Variants in INVS observed in about 807,000 individuals in gnomAD.
INVS encodes the protein inversin.
Under a neutral mutation model 108.8 loss-of-function variants are expected in INVS, and 86 were observed. The ratio of observed to expected loss-of-function variants is 0.79; its 90% CI spans 0.66 to 0.95. The LOEUF (loss-of-function observed/expected upper bound fraction) is 0.95, where lower values mean the gene tolerates loss of function less well. Ranked by LOEUF, INVS falls within the 40% of genes least tolerant of loss-of-function variation. INVS has a pLI of 0.00. For missense variants in INVS, 1,169 were observed against 1,297.4 expected (o/e 0.90, Z 1.52); for synonymous variants, 455 against 473.5 (o/e 0.96, Z 0.51).
At position 100,158,587 on chromosome 9, in the gene INVS, T is replaced by C. The variant is rs187012761; in HGVS notation, c.273+32038T>C. Among the ~76,000 whole-genome samples the C allele has an allele frequency of 4.8e-4, 73 of 152,312 alleles. 1 individual carries two copies. Among genetic ancestry groups the C allele is most frequent in the Admixed American group, 1.0e-3 (16 of 15,298 alleles). On this transcript the variant is annotated intron_variant, in intron 3 of 16. Coordinates refer to ENST00000262457, the MANE Select transcript of INVS (RefSeq NM_014425.5). Reference sequence around the variant, plus strand: ...CCCACAAACTTCTTACTTAGCTCAGTTCCTGGCACCAAAATAGTGCCCAGT... The same window carrying C: ...CCCACAAACTTCTTACTTAGCTCAGCTCCTGGCACCAAAATAGTGCCCAGT...
At chr9:100,236,614 T>A (rs1831694155) in intron 5 of INVS, among the ~76,000 whole-genome samples, 1 of 152,208 alleles carries the variant, frequency 6.6e-6, no homozygotes, top group Non-Finnish European at 1.5e-5. Context: ...TAGTCAGGCC[T>A]CTCTTCTAGG....
intron 3 of INVS, among the ~76,000 whole-genome samples, chr9:100,194,460 T>A (rs1830314918): frequency 6.6e-6 from 1 of 152,134 alleles, no homozygotes; most frequent in South Asian, 2.1e-4. Context: ...GATTTTTTAG[T>A]CTCCTACATA....
At chr9:100,205,812 G>A (rs924599646) in intron 3 of INVS, among the ~76,000 whole-genome samples, 2 of 151,780 alleles carry the variant, frequency 1.3e-5, no homozygotes, top group African/African-American at 4.8e-5. Context: ...TTTATGTAGT[G>A]CCTACTATAA....
At chr9:100,225,062 GTTT>G (rs773615807) in intron 3 of INVS, among the ~76,000 whole-genome samples, 2 of 140,666 alleles carry the variant, frequency 1.4e-5, no homozygotes, top group Admixed American at 7.1e-5. Flanking sequence ...TGGTTTTTTT[GTTT>G]TTTTTTTTTT....
rs143672115 is a variant in INVS, at chr9:100,108,619, C to T, written c.106+3992C>T. On this transcript the variant is annotated intron_variant, in intron 2 of 16. Coordinates refer to ENST00000262457, the MANE Select transcript of INVS (RefSeq NM_014425.5). ...TCTTTTCTAAACTAGTGACATAGTACTACAGATGAATTTTTTTTCTTGAAT... is the reference window on the plus strand; with the variant it reads ...TCTTTTCTAAACTAGTGACATAGTATTACAGATGAATTTTTTTTCTTGAAT... Among the ~76,000 whole-genome samples the T allele has an allele frequency of 2.2e-4, 33 of 152,156 alleles. No homozygotes were observed. The East Asian group carries it at 5.8e-3, about 27-fold the overall frequency.
In INVS at chr9:100,215,187, A is replaced by G. The variant is rs539698856; in HGVS notation, c.274-10875A>G. ...ATCTGGGACCTTATCAGTTGAACAA[A>G]ATGAATCCAGGTGGGTAAACCCAAA... On this transcript the variant is annotated intron_variant, in intron 3 of 16. Transcript: ENST00000262457. The G allele has an allele frequency of 5.9e-5, 9 of 152,356 alleles. No individual in the cohort carries two copies. The East Asian group carries it at 1.7e-3, about 29-fold the overall frequency. 9.4% of individuals were successfully genotyped at this position (152,356 alleles called of 1,614,324 possible).
chr9:100,185,788 G>A (rs1196323150), intron 3 of INVS, among the ~76,000 whole-genome samples: 1 of 151,844 alleles, frequency 6.6e-6, no homozygotes, highest in Non-Finnish European at 1.5e-5. Flanking sequence ...CCACTTATAA[G>A]TGAGAACATA....
At chr9:100,113,335 C>T (rs1365129751) in intron 2 of INVS, among the ~76,000 whole-genome samples, 1 of 152,168 alleles carries the variant, frequency 6.6e-6, no homozygotes, top group East Asian at 1.9e-4. Context: ...ATATCTGCCT[C>T]CTCTAGGAGT....
rs866564717 is a variant in INVS, at chr9:100,190,693, T to C, written c.274-35369T>C. Among the ~76,000 whole-genome samples, 22 of 152,322 alleles carry C rather than the reference T, an allele frequency of 1.4e-4. No individual in the cohort carries two copies. In the Middle Eastern group the frequency reaches 0.01, roughly 71 times the overall value. On this transcript the variant is annotated intron_variant, in intron 3 of 16. Transcript: ENST00000262457. ...TTGAAGGAGGCTAAAGATAGGACCC[T>C]AATCCTTTCTGGCTTGTAAAGTTTC...
At chr9:100,200,565 A>G (rs535616366) in intron 3 of INVS, among the ~76,000 whole-genome samples, 1 of 152,328 alleles carries the variant, frequency 6.6e-6, no homozygotes, top group Non-Finnish European at 1.5e-5. Flanking sequence ...CTTTTAAGGC[A>G]TGGCCCTTCT....
intron 7 of INVS, 142 bp from the exon 8 acceptor site, chr9:100,246,474 A>G: frequency 1.5e-6 from 1 of 647,702 alleles, no homozygotes; most frequent in Non-Finnish European, 2.7e-6. Context: ...TCTGTCATTA[A>G]TAAAAAGATA....
Position 100,257,857 on chromosome 9 carries a change from A to C in INVS, c.1464+4721A>C, listed in dbSNP as rs190053067. Among the ~76,000 whole-genome samples the C allele has an allele frequency of 3.7e-4, 56 of 152,136 alleles. No individual in the cohort carries two copies. The East Asian group carries it at 7.1e-3, about 19-fold the overall frequency. ...CCCTTAACATTTTTTCCTTCATTTC[A>C]ACTTTGGTGAATCTGACAATTATGT... On this transcript the variant is annotated intron_variant, in intron 10 of 16. Transcript: ENST00000262457.
At chr9:100,228,013 CAG>C (rs1831388837) in intron 4 of INVS, among the ~76,000 whole-genome samples, 1 of 118,812 alleles carries the variant, frequency 8.4e-6, no homozygotes, top group Admixed American at 9.3e-5. Context: ...TTTTTTGAGA[CAG>C]AGTCTCACTC....
intron 5 of INVS, among the ~76,000 whole-genome samples, chr9:100,233,237 G>C (rs1422799999): frequency 6.6e-6 from 1 of 152,198 alleles, no homozygotes; most frequent in Non-Finnish European, 1.5e-5. Context: ...CTGAGACTTT[G>C]CTGAAGCTGC....
chr9:100,259,605 T>C (rs1235117149), intron 10 of INVS, among the ~76,000 whole-genome samples: 2 of 149,614 alleles, frequency 1.3e-5, no homozygotes, highest in Non-Finnish European at 3.0e-5. Context: ...TGGTGCAATC[T>C]TGGCTCACTG....
chr9:100,252,442 G>C lies in INVS; in HGVS notation c.1234+4G>C. On this transcript the variant is annotated splice_donor_region_variant and intron_variant, in intron 9 of 16. Coordinates refer to ENST00000262457, the MANE Select transcript of INVS (RefSeq NM_014425.5). ...GTGATTCAGACACTCATTAAAGGTGGGCTAATAAGAGTACTCCTAATAAGT... is the reference window on the plus strand; with the variant it reads ...GTGATTCAGACACTCATTAAAGGTGCGCTAATAAGAGTACTCCTAATAAGT... The C allele has an allele frequency of 1.2e-6, 2 of 1,613,332 alleles. No homozygotes were observed. The highest frequency in any genetic ancestry group is 1.1e-5 in the South Asian group (1 of 91,046).
chr9:100,142,342 G>C (rs929132361), intron 3 of INVS, among the ~76,000 whole-genome samples: 1 of 152,176 alleles, frequency 6.6e-6, no homozygotes, highest in Non-Finnish European at 1.5e-5. Context: ...AGGTAGTGGA[G>C]GGGGGCAGAG....
intron 13 of INVS, among the ~76,000 whole-genome samples, chr9:100,286,530 C>A (rs755674733): frequency 8.5e-5 from 13 of 152,142 alleles, no homozygotes; most frequent in Non-Finnish European, 1.8e-4. Flanking sequence ...GACAGTGAGA[C>A]TCTGTCTCAA....
chr9:100,225,202 C>T (rs771883671), intron 3 of INVS, among the ~76,000 whole-genome samples: 2 of 151,716 alleles, frequency 1.3e-5, no homozygotes, highest in African/African-American at 2.4e-5. Context: ...GGACTACAGG[C>T]GCCCACCACC....
Sources: gnomAD v4.1 joint callset for allele counts (sites outside exome capture counted in the v4.1 genomes callset) on GRCh38, gnomAD v4.1.1 for gene constraint, MANE v1.5 for transcripts, NCBI Gene and HGNC (gene_info 2026-07-23, HGNC 2026-07-21) for gene names.